The following KCND3 variants were observed in gnomAD, a reference collection of about 807,000 sequenced individuals.
KCND3 encodes the protein potassium voltage-gated channel subfamily D member 3.
In KCND3, 9 loss-of-function variants were observed where a neutral mutation model predicts 51.1. That is an observed-to-expected ratio of 0.18 (90% CI 0.11 to 0.31). The LOEUF is 0.31. Among genes scored for constraint, KCND3 ranks in the 10% least tolerant of loss-of-function variants. KCND3 has a pLI of 1.00. For synonymous variants in KCND3, 349 were observed against 368.0 expected, an observed-to-expected ratio of 0.95 and a Z score of 0.59; for missense variants, 526 against 903.8, an observed-to-expected ratio of 0.58 and a Z score of 5.36.
chr1:111,790,221 C>A (rs1251689403), intron 2 of KCND3, among the ~76,000 whole-genome samples: 1 of 152,068 alleles, frequency 6.6e-6, no homozygotes, highest in Non-Finnish European at 1.5e-5. Context: ...GTTAAGTGAC[C>A]CTGGGGCATT....
intron 2 of KCND3, chr1:111,856,874 G>C (rs1668098659): frequency 6.6e-6 from 1 of 152,280 alleles, no homozygotes; most frequent in Admixed American, 6.5e-5. Context: ...GCAGGAAGAG[G>C]GGGAGGGCCT....
chr1:111,786,808 G>A (rs1664622334), intron 3 of KCND3, 136 bp downstream of exon 3: 4 of 1,008,930 alleles, frequency 4.0e-6, no homozygotes, highest in Non-Finnish European at 6.1e-6. Context: ...AGCAGGAAGG[G>A]ACTGAAGCTA....
At position 111,780,961 on chromosome 1, in the gene KCND3, G is replaced by T. The variant is rs965217877; in HGVS notation, c.1270-170C>A. On this transcript the variant is annotated intron_variant, in intron 3 of 7. Transcript: ENST00000302127. This position sits in a 1 kb window ranked among gnomAD's most constrained non-coding sequence, Gnocchi z 4.2. ...TTGTGTACCCACTTTGTATAGCTTG[G>T]TTGGGTCAGAATTCCCAGGAGTCTC... 2.0e-5 allele frequency among the ~76,000 whole-genome samples: 3 copies of T among 152,160 alleles called. No individual in the cohort carries two copies. Among genetic ancestry groups the T allele is most frequent in the African/African-American group, 7.2e-5 (3 of 41,436 alleles).
chr1:111,909,634 C>T (rs1439617620), intron 2 of KCND3: 1 of 152,212 alleles, frequency 6.6e-6, no homozygotes. Context: ...ATGGTCATTG[C>T]TTCTTCCTTC....
chr1:111,889,794 T>C (rs1375509737), intron 2 of KCND3, among the ~76,000 whole-genome samples: 1 of 151,850 alleles, frequency 6.6e-6, no homozygotes, highest in African/African-American at 2.4e-5. Context: ...AGGTAAGAAA[T>C]CTTATGGAGG....
rs1452309466 is a variant in KCND3, at chr1:111,771,327, C to T, written c.*4750G>A. The T allele has an allele frequency of 6.6e-6, 1 of 152,144 alleles. No homozygotes were observed. Among genetic ancestry groups the T allele is most frequent in the Non-Finnish European group, 1.5e-5 (1 of 68,018 alleles). The allele number at this position is 152,144 out of a possible 1,614,324, so 9.4% of individuals were successfully genotyped here. A position where few individuals can be genotyped will look rare whatever the true frequency, so the allele number is the denominator to read the frequency against. On this transcript the variant is annotated 3_prime_UTR_variant, in exon 8 of 8. Transcript: ENST00000302127. ...GGTCATGGGTCATAACAATGTTTTT[C>T]CTTCATCTAGTCATTTTAAAGCTTT...
intron 2 of KCND3, among the ~76,000 whole-genome samples, chr1:111,901,277 A>G (rs1427708861): frequency 6.6e-6 from 1 of 152,240 alleles, no homozygotes; most frequent in Non-Finnish European, 1.5e-5. Flanking sequence ...TAACAAGTTT[A>G]TATTGAGCCC....
intron 2 of KCND3, among the ~76,000 whole-genome samples, chr1:111,917,507 A>G (rs1197184585): frequency 6.6e-6 from 1 of 152,320 alleles, no homozygotes; most frequent in East Asian, 1.9e-4. Context: ...ATGGGGATCT[A>G]TCCATTGATG....
At chr1:111,900,381 T>A (rs1403811679) in intron 2 of KCND3, among the ~76,000 whole-genome samples, 1 of 152,156 alleles carries the variant, frequency 6.6e-6, no homozygotes, top group Non-Finnish European at 1.5e-5. Flanking sequence ...CAAACATTCA[T>A]TTGCATAAGG....
intron 2 of KCND3, among the ~76,000 whole-genome samples, chr1:111,915,096 G>C (rs1671132375): frequency 6.6e-6 from 1 of 151,918 alleles, no homozygotes; most frequent in Non-Finnish European, 1.5e-5. Flanking sequence ...TTAAATCATA[G>C]AGCAACCACT....
intron 2 of KCND3, among the ~76,000 whole-genome samples, chr1:111,894,106 T>C (rs1205810795): frequency 6.6e-6 from 1 of 152,152 alleles, no homozygotes; most frequent in Non-Finnish European, 1.5e-5. Context: ...GCACCTAAAA[T>C]ACAGGCTAAA....
intron 3 of KCND3, among the ~76,000 whole-genome samples, chr1:111,784,432 A>T (rs1664523345): frequency 6.6e-6 from 1 of 152,226 alleles, no homozygotes; most frequent in Non-Finnish European, 1.5e-5. Context: ...GTCCACTGCC[A>T]GACCCTTATC....
intron 2 of KCND3, among the ~76,000 whole-genome samples, chr1:111,821,664 C>T (rs1458634485): frequency 6.6e-6 from 1 of 152,146 alleles, no homozygotes; most frequent in African/African-American, 2.4e-5. Flanking sequence ...CTTCTCCTCA[C>T]CACCCCCAAC....
At chr1:111,815,144 C>T (rs917636240) in intron 2 of KCND3, among the ~76,000 whole-genome samples, 2 of 152,036 alleles carry the variant, frequency 1.3e-5, no homozygotes, top group Admixed American at 1.3e-4. Flanking sequence ...GGTGGTAGAA[C>T]CTGGACTAGA....
intron 2 of KCND3, among the ~76,000 whole-genome samples, chr1:111,934,614 G>A (rs1672130811): frequency 1.3e-5 from 2 of 152,164 alleles, no homozygotes; most frequent in Admixed American, 6.5e-5. Context: ...GTGTAAATCT[G>A]CCACCAAGTA....
At chr1:111,969,314 G>A (rs980269194) in intron 2 of KCND3, among the ~76,000 whole-genome samples, 2 of 152,170 alleles carry the variant, frequency 1.3e-5, no homozygotes, top group Admixed American at 6.5e-5. Context: ...TGGTCCTGGT[G>A]TGGTAGGACA....
At chr1:111,834,564 G>A (rs1400607998) in intron 2 of KCND3, among the ~76,000 whole-genome samples, 1 of 152,202 alleles carries the variant, frequency 6.6e-6, no homozygotes, top group Non-Finnish European at 1.5e-5. Flanking sequence ...TTCATTCAAA[G>A]TGGAACTCCT....
chr1:111,874,111 A>C (rs1000243441), intron 2 of KCND3, among the ~76,000 whole-genome samples: 1 of 152,242 alleles, frequency 6.6e-6, no homozygotes, highest in Non-Finnish European at 1.5e-5. Flanking sequence ...ACAGATGGGC[A>C]GCTCATTTCC....
intron 2 of KCND3, among the ~76,000 whole-genome samples, chr1:111,889,213 C>T (rs1669714140): frequency 1.3e-5 from 2 of 152,182 alleles, no homozygotes; most frequent in African/African-American, 4.8e-5. Flanking sequence ...AGAGGCCTGC[C>T]CCAAAAATTC....
Sources: gnomAD v4.1 joint callset for allele counts (sites outside exome capture counted in the v4.1 genomes callset) on GRCh38, gnomAD v4.1.1 for gene constraint, Gnocchi (gnomAD v3.1) non-coding constraint, MANE v1.5 for transcripts, NCBI Gene and HGNC (gene_info 2026-07-23, HGNC 2026-07-21) for gene names.